Variants in LMOD1 observed in about 807,000 individuals in gnomAD.
LMOD1 encodes leiomodin-1.
In LMOD1, 8 loss-of-function variants were observed where a neutral mutation model predicts 36.5. The observed-to-expected ratio is 0.22, with a 90% CI of 0.13 to 0.40. LMOD1 has a LOEUF of 0.40. LMOD1 is among the 10% of genes least tolerant of loss of function. The pLI is 1.00. For synonymous variants in LMOD1, 284 were observed against 288.7 expected, an observed-to-expected ratio of 0.98 and a Z score of 0.17; for missense variants, 630 against 751.1, an observed-to-expected ratio of 0.84 and a Z score of 1.88.
intron 1 of LMOD1, among the ~76,000 whole-genome samples, chr1:201,938,464 C>T (rs1219268042): frequency 6.6e-6 from 1 of 152,186 alleles, no homozygotes. Context: ...AACTCAGGCT[C>T]CAAGACGTGA....
chr1:201,925,528 G>C (rs16849444), intron 1 of LMOD1, among the ~76,000 whole-genome samples: 4,641 of 152,160 alleles, frequency 0.031, 251 homozygotes, highest in African/African-American at 0.11. Flanking sequence ...AAATTACTTT[G>C]CATGACCATT....
chr1:201,935,191 G>A (rs1300683551), intron 1 of LMOD1, among the ~76,000 whole-genome samples: 2 of 152,202 alleles, frequency 1.3e-5, no homozygotes, highest in South Asian at 2.1e-4. Flanking sequence ...AGTTAGAAGG[G>A]TGTTTCTGTC....
intron 1 of LMOD1, among the ~76,000 whole-genome samples, chr1:201,924,603 A>T (rs1681780358): frequency 6.7e-6 from 1 of 150,028 alleles, no homozygotes; most frequent in African/African-American, 2.5e-5. Flanking sequence ...GAGGGAAGGA[A>T]GGAAGGAAAA....
chr1:201,944,106 T>A (rs1019214459), intron 1 of LMOD1, among the ~76,000 whole-genome samples: 10 of 152,152 alleles, frequency 6.6e-5, no homozygotes, highest in African/African-American at 2.4e-4. Flanking sequence ...CAGAACAGCC[T>A]ACATCCACAA....
chr1:201,924,665 AAAAGAAAGAAAGAAAGAAAG>A (rs547652390), intron 1 of LMOD1, among the ~76,000 whole-genome samples: 17,923 of 130,012 alleles, frequency 0.14, 1,513 homozygotes, highest in Non-Finnish European at 0.16. Flanking sequence ...AGAAAGAAAA[AAAAGAAAGAAAGAAAGAAAG>A]AAAGAAAGAA....
At chr1:201,917,504 ATCT>A (rs1681631267) in intron 1 of LMOD1, among the ~76,000 whole-genome samples, 1 of 152,104 alleles carries the variant, frequency 6.6e-6, no homozygotes, top group Non-Finnish European at 1.5e-5. Flanking sequence ...CTTGTGGCAG[ATCT>A]TCTCGGCCAA....
intron 1 of LMOD1, among the ~76,000 whole-genome samples, chr1:201,905,997 G>A (rs1459623704): frequency 6.6e-6 from 1 of 152,194 alleles, no homozygotes; most frequent in African/African-American, 2.4e-5. Flanking sequence ...TCCCCTCAAT[G>A]TGGCCTGGTG....
chr1:201,926,392 A>G (rs559174758), intron 1 of LMOD1, among the ~76,000 whole-genome samples: 1 of 152,202 alleles, frequency 6.6e-6, no homozygotes, highest in Non-Finnish European at 1.5e-5. Context: ...GGCTGACTCC[A>G]TCTCTCTGGG....
chr1:201,914,167 A>C (rs1571580298), intron 1 of LMOD1, among the ~76,000 whole-genome samples: 1 of 151,892 alleles, frequency 6.6e-6, no homozygotes, highest in African/African-American at 2.4e-5. Flanking sequence ...CAAAGCCCCA[A>C]CCCTACAGCC....
chr1:201,909,844 C>T (rs200483211), intron 1 of LMOD1, among the ~76,000 whole-genome samples: 71 of 152,204 alleles, frequency 4.7e-4, no homozygotes, highest in African/African-American at 1.7e-3. Flanking sequence ...AGCTATTACA[C>T]GATAAAGCAG....
At chr1:201,923,837 C>G (rs1018644610) in intron 1 of LMOD1, among the ~76,000 whole-genome samples, 1 of 145,068 alleles carries the variant, frequency 6.9e-6, no homozygotes. Context: ...TGTATTCTAG[C>G]CTGGGTGACC....
At chr1:201,933,795 A>G (rs1296856790) in intron 1 of LMOD1, among the ~76,000 whole-genome samples, 6 of 152,070 alleles carry the variant, frequency 3.9e-5, no homozygotes, top group African/African-American at 1.4e-4. Flanking sequence ...TTATATTCCA[A>G]TAAAAATGTT....
At chr1:201,926,995 C>T (rs752124484) in intron 1 of LMOD1, among the ~76,000 whole-genome samples, 7 of 152,168 alleles carry the variant, frequency 4.6e-5, no homozygotes, top group Non-Finnish European at 5.9e-5. Context: ...TGGCTGATAT[C>T]TTTAGCTAAG....
At chr1:201,918,528 A>T (rs565097963) in intron 1 of LMOD1, among the ~76,000 whole-genome samples, 33 of 152,250 alleles carry the variant, frequency 2.2e-4, no homozygotes, top group African/African-American at 7.7e-4. Flanking sequence ...TACAGTGAGG[A>T]ACAGCCACGC....
intron 1 of LMOD1, among the ~76,000 whole-genome samples, chr1:201,933,143 G>A (rs1681954398): frequency 6.6e-6 from 1 of 152,190 alleles, no homozygotes; most frequent in South Asian, 2.1e-4. Context: ...AGATGGTGTG[G>A]TGGCTCACGC....
At chr1:201,935,786 A>G (rs1334631423) in intron 1 of LMOD1, among the ~76,000 whole-genome samples, 8 of 148,958 alleles carry the variant, frequency 5.4e-5, no homozygotes, top group Middle Eastern at 3.4e-3. Context: ...TGAACTCCTG[A>G]TCTCAAGTGA....
At chr1:201,942,681 T>G (rs1682138813) in intron 1 of LMOD1, among the ~76,000 whole-genome samples, 2 of 151,876 alleles carry the variant, frequency 1.3e-5, no homozygotes, top group Non-Finnish European at 2.9e-5. Context: ...TTTCTTTTTT[T>G]TTTTTAAATT....
At chr1:201,911,832 T>C (rs1177161679) in intron 1 of LMOD1, among the ~76,000 whole-genome samples, 3 of 152,118 alleles carry the variant, frequency 2.0e-5, no homozygotes, top group Non-Finnish European at 4.4e-5. Flanking sequence ...TGTGCTTAAC[T>C]TTGAGGCCAA....
intron 1 of LMOD1, among the ~76,000 whole-genome samples, chr1:201,927,341 G>T (rs1187435215): frequency 6.6e-6 from 1 of 152,196 alleles, no homozygotes; most frequent in Non-Finnish European, 1.5e-5. Flanking sequence ...GCCGAGGTGG[G>T]AGGATCACGA....
Sources: allele counts gnomAD v4.1 joint callset (sites outside exome capture counted in the v4.1 genomes callset), GRCh38; gene constraint gnomAD v4.1.1; transcripts MANE v1.5; gene names NCBI Gene and HGNC (gene_info 2026-07-23, HGNC 2026-07-21).